Variants in MEGF11 observed in about 807,000 individuals in gnomAD.
The protein encoded by MEGF11 is multiple EGF like domains 11.
A neutral mutation model predicts 146.6 loss-of-function variants in MEGF11; 126 were observed. The observed-to-expected ratio is 0.86, with a 90% confidence interval of 0.74 to 1.00. The LOEUF is 1.00. Ranked by LOEUF, MEGF11 falls within the 50% of genes least tolerant of loss-of-function variation. MEGF11 has a pLI of 0.00. For synonymous variants in MEGF11, 532 were observed against 583.4 expected (o/e 0.91, Z 1.27); for missense variants, 1,509 against 1,521.2 (o/e 0.99, Z 0.13).
At chr15:66,133,248 G>A (rs114823529) in intron 1 of MEGF11, among the ~76,000 whole-genome samples, 2,384 of 152,300 alleles carry the variant, frequency 0.016, 65 homozygotes, top group African/African-American at 0.054. Flanking sequence ...ACCAGCGCAT[G>A]TCTGCTCCCC....
intron 5 of MEGF11, among the ~76,000 whole-genome samples, chr15:66,045,939 C>G (rs1428997051): frequency 6.6e-6 from 1 of 152,030 alleles, no homozygotes; most frequent in East Asian, 1.9e-4. Flanking sequence ...CCTGTCTCTA[C>G]TAAAAATACA....
At chr15:65,964,012 C>T (rs935934356) in intron 9 of MEGF11, among the ~76,000 whole-genome samples, 1 of 152,212 alleles carries the variant, frequency 6.6e-6, no homozygotes, top group Non-Finnish European at 1.5e-5. Flanking sequence ...GCCGGTCTTC[C>T]CTGGGCTGTC....
intron 1 of MEGF11, among the ~76,000 whole-genome samples, chr15:66,134,241 C>T (rs763695032): frequency 6.6e-6 from 1 of 152,114 alleles, no homozygotes; most frequent in Non-Finnish European, 1.5e-5. Flanking sequence ...ACAGGCACAG[C>T]CTCTGAATTC....
At chr15:65,960,613 A>AG (rs1462241152) in intron 9 of MEGF11, among the ~76,000 whole-genome samples, 1 of 152,252 alleles carries the variant, frequency 6.6e-6, no homozygotes, top group Non-Finnish European at 1.5e-5. Context: ...ATGACCTGGC[A>AG]GGTCTTGGCT....
chr15:65,916,624 T>G, intron 17 of MEGF11: 2 of 938,444 alleles, frequency 2.1e-6, no homozygotes, highest in Non-Finnish European at 3.3e-6. Context: ...TCCAGGACTT[T>G]GGGCTTGTCA....
At chr15:65,898,615 G>A (rs2078412996) in intron 25 of MEGF11, 113 bp downstream of exon 25, 2 of 1,509,292 alleles carry the variant, frequency 1.3e-6, no homozygotes, top group African/African-American at 1.4e-5. Context: ...GCCTTTAAAA[G>A]CAACAAAAGA....
chr15:66,126,536 G>C lies in MEGF11; in HGVS notation c.98+1770C>G, dbSNP rs573244020. Among the ~76,000 whole-genome samples the C allele has an allele frequency of 5.3e-5, 8 of 152,334 alleles. No homozygotes were observed. In the South Asian group the frequency reaches 1.7e-3, roughly 32 times the overall value. On this transcript the variant is annotated intron_variant, in intron 2 of 25. Transcript: ENST00000395614. ...GTACAAAATTAGTGAGTACAAATGG[G>C]GCTCAGACAGAGAGAGAAGTCAGAG...
At chr15:66,113,868 G>A (rs1403634435) in intron 4 of MEGF11, among the ~76,000 whole-genome samples, 2 of 150,510 alleles carry the variant, frequency 1.3e-5, no homozygotes, top group East Asian at 1.9e-4. Context: ...GCGACAGAGC[G>A]AAACTCTGTC....
intron 1 of MEGF11, among the ~76,000 whole-genome samples, chr15:66,249,301 G>C (rs1390828098): frequency 6.6e-6 from 1 of 152,122 alleles, no homozygotes; most frequent in African/African-American, 2.4e-5. Flanking sequence ...CCATTAGCAG[G>C]AGAAGCAATC....
chr15:66,162,875 G>T (rs1046137667), intron 1 of MEGF11, among the ~76,000 whole-genome samples: 1 of 152,188 alleles, frequency 6.6e-6, no homozygotes, highest in Non-Finnish European at 1.5e-5. Flanking sequence ...AAATCTAATT[G>T]AATTACTTCT....
chr15:66,181,849 G>C (rs1031191905), intron 1 of MEGF11, among the ~76,000 whole-genome samples: 2 of 152,184 alleles, frequency 1.3e-5, no homozygotes, highest in African/African-American at 4.8e-5. Flanking sequence ...CAGAGGAACT[G>C]ACCTCCCATC....
intron 5 of MEGF11, among the ~76,000 whole-genome samples, chr15:66,080,576 C>T (rs890592196): frequency 6.6e-6 from 1 of 152,234 alleles, no homozygotes; most frequent in Non-Finnish European, 1.5e-5. Context: ...GTCCTGAACC[C>T]TGGGCACTGT....
chr15:66,213,544 A>G (rs1179418297), intron 1 of MEGF11, among the ~76,000 whole-genome samples: 1 of 151,444 alleles, frequency 6.6e-6, no homozygotes, highest in Admixed American at 6.6e-5. Flanking sequence ...TGTGCTGATT[A>G]GTGTTTGCAT....
chr15:65,966,040 C>G (rs1418317645), intron 8 of MEGF11, among the ~76,000 whole-genome samples: 2 of 152,200 alleles, frequency 1.3e-5, no homozygotes, highest in Non-Finnish European at 2.9e-5. Flanking sequence ...GAGTCTCACT[C>G]TGTTGCCCAG....
intron 8 of MEGF11, among the ~76,000 whole-genome samples, chr15:65,969,803 G>A (rs927440167): frequency 6.6e-6 from 1 of 152,140 alleles, no homozygotes; most frequent in Non-Finnish European, 1.5e-5. Flanking sequence ...TGTGGGGGCT[G>A]CCTCTGTACG....
chr15:66,065,848 T>C (rs1391345060), intron 5 of MEGF11, among the ~76,000 whole-genome samples: 4 of 152,032 alleles, frequency 2.6e-5, no homozygotes, highest in East Asian at 1.9e-4. Flanking sequence ...GGGGGAGCAG[T>C]GGGGTTTCCC....
intron 2 of MEGF11, 151 bp downstream of exon 2, chr15:66,128,155 G>T: frequency 2.1e-6 from 1 of 485,368 alleles, no homozygotes; most frequent in South Asian, 4.2e-5. Context: ...ACACATCTCT[G>T]TCCTGTCTCT....
intron 10 of MEGF11, among the ~76,000 whole-genome samples, chr15:65,942,027 C>A (rs1338714169): frequency 6.6e-6 from 1 of 152,122 alleles, no homozygotes; most frequent in African/African-American, 2.4e-5. Context: ...CTATAACAGC[C>A]CTGCAGGGAG....
intron 1 of MEGF11, among the ~76,000 whole-genome samples, chr15:66,217,726 G>A (rs1001326202): frequency 2.6e-5 from 4 of 152,194 alleles, no homozygotes; most frequent in African/African-American, 4.8e-5. Flanking sequence ...CAGACCCAAG[G>A]GGACCCAAAG....
Sources: allele counts gnomAD v4.1 joint callset (sites outside exome capture counted in the v4.1 genomes callset), GRCh38; gene constraint gnomAD v4.1.1; transcripts MANE v1.5; gene names NCBI Gene and HGNC (gene_info 2026-07-23, HGNC 2026-07-21).